The following ZNF98 variants were observed in gnomAD, a reference collection of about 807,000 sequenced individuals.
ZNF98 encodes zinc finger protein 739.
A neutral mutation model predicts 12.8 loss-of-function variants in ZNF98; 8 were observed. The ratio of observed to expected loss-of-function variants is 0.63; its 90% CI spans 0.37 to 1.13. ZNF98 has a LOEUF of 1.13. Ranked by LOEUF, ZNF98 falls within the 50% of genes most tolerant of loss-of-function variation. ZNF98 has a pLI of 0.01. For synonymous variants in ZNF98, 112 were observed against 223.5 expected, an observed-to-expected ratio of 0.50 and a Z score of 4.45; for missense variants, 379 against 666.1, an observed-to-expected ratio of 0.57 and a Z score of 4.74.
At chr19:22,417,286 A>G (rs1599391645) in intron 1 of ZNF98, among the ~76,000 whole-genome samples, 4 of 152,006 alleles carry the variant, frequency 2.6e-5, no homozygotes, top group Admixed American at 1.3e-4. Context: ...ATAAGAACAC[A>G]TAAAAACAAA....
intron 3 of ZNF98, among the ~76,000 whole-genome samples, chr19:22,394,132 T>A (rs1290485544): frequency 2.1e-5 from 3 of 143,850 alleles, no homozygotes; most frequent in African/African-American, 5.2e-5. Flanking sequence ...AAAACCACAA[T>A]GAGATACCAT....
intron 3 of ZNF98, among the ~76,000 whole-genome samples, chr19:22,395,321 A>T (rs1969379250): frequency 6.6e-6 from 1 of 151,964 alleles, no homozygotes; most frequent in South Asian, 2.1e-4. Flanking sequence ...TTTTCAGACT[A>T]TGTCAGAAAA....
chr19:22,402,192 A>G (rs1007019640), intron 3 of ZNF98, among the ~76,000 whole-genome samples: 6 of 150,534 alleles, frequency 4.0e-5, no homozygotes, highest in South Asian at 2.1e-4. Context: ...AAAAAAAAAA[A>G]AAAGAAAGAG....
At chr19:22,408,280 T>A (rs1969544254) in intron 1 of ZNF98, among the ~76,000 whole-genome samples, 2 of 152,204 alleles carry the variant, frequency 1.3e-5, no homozygotes, top group African/African-American at 4.8e-5. Flanking sequence ...AAACCAGGTG[T>A]TGATGGAACA....
chr19:22,406,599 T>C (rs920492609), intron 1 of ZNF98, among the ~76,000 whole-genome samples: 1 of 151,858 alleles, frequency 6.6e-6, no homozygotes, highest in African/African-American at 2.4e-5. Context: ...GGGCAGATCA[T>C]GAGGTCAAGA....
intron 1 of ZNF98, among the ~76,000 whole-genome samples, chr19:22,414,901 G>C (rs1258549331): frequency 6.6e-6 from 1 of 151,876 alleles, no homozygotes; most frequent in Non-Finnish European, 1.5e-5. Flanking sequence ...AAGCTAAAAA[G>C]CTTCTTCACA....
At chr19:22,400,935 AGAGT>A in intron 3 of ZNF98, among the ~76,000 whole-genome samples, 1 of 132,890 alleles carries the variant, frequency 7.5e-6, no homozygotes, top group African/African-American at 2.9e-5. Flanking sequence ...TCTCAGCGAC[AGAGT>A]GAGACACTGT....
intron 1 of ZNF98, among the ~76,000 whole-genome samples, chr19:22,411,445 G>A (rs1279884442): frequency 1.3e-5 from 2 of 152,152 alleles, no homozygotes; most frequent in African/African-American, 4.8e-5. Context: ...ATTCTGTATT[G>A]TTAAATTTAA....
chr19:22,401,728 A>G (rs10406199), intron 3 of ZNF98, among the ~76,000 whole-genome samples: 64,387 of 150,020 alleles, frequency 0.43, 13,995 homozygotes, highest in Non-Finnish European at 0.46. Flanking sequence ...CAGGTGATCC[A>G]CCTGCCTCAG....
rs1969327409 is a variant in ZNF98, at chr19:22,391,818, G to A, written c.1417C>T (p.Gln473Ter). 6.2e-7 allele frequency: 1 copy of A among 1,607,356 alleles called. No individual in the cohort carries two copies. Among genetic ancestry groups the A allele is most frequent in the South Asian group, 1.1e-5 (1 of 90,558 alleles). The change falls in exon 4 of 4, where the codon CAG becomes TAG. Residue 473 changes from glutamine to a stop codon, truncating the protein, a stop_gained. Coordinates refer to ENST00000357774, the MANE Select transcript of ZNF98 (RefSeq NM_001098626.2). LOFTEE classifies it low-confidence loss of function (END_TRUNC). The stretch of plus-strand genomic sequence containing the variant: ...TTATGTTTAGAAAGAGTTGAGGACT[G>A]GTTAAAAGCTTTGCCACATTCTTCA... ...KCEECGKAFN[Q>*]SSTLSKHKVI...
intron 1 of ZNF98, 33 bp downstream of exon 1, chr19:22,422,159 TCTC>T (rs1193085421): frequency 1.8e-5 from 29 of 1,612,300 alleles, no homozygotes; most frequent in Non-Finnish European, 2.3e-5. Flanking sequence ...ACCAGCCCCT[TCTC>T]CTCTCTAGGG....
At chr19:22,396,607 G>C (rs533181345) in intron 3 of ZNF98, among the ~76,000 whole-genome samples, 1 of 152,068 alleles carries the variant, frequency 6.6e-6, no homozygotes, top group African/African-American at 2.4e-5. Flanking sequence ...TAAAAACCAA[G>C]ATCCAACTTT....
intron 1 of ZNF98, among the ~76,000 whole-genome samples, chr19:22,420,265 GC>G (rs1969689760): frequency 6.6e-6 from 1 of 152,198 alleles, no homozygotes; most frequent in Admixed American, 6.5e-5. Flanking sequence ...TCACTTAAGT[GC>G]TCAGTGACCA....
chr19:22,419,278 T>G (rs1269974745), intron 1 of ZNF98, among the ~76,000 whole-genome samples: 1 of 152,216 alleles, frequency 6.6e-6, no homozygotes, highest in Non-Finnish European at 1.5e-5. Flanking sequence ...TAACTTCATC[T>G]TCACAAGAAT....
intron 3 of ZNF98, among the ~76,000 whole-genome samples, chr19:22,399,631 A>T (rs1488392066): frequency 6.6e-6 from 1 of 152,148 alleles, no homozygotes; most frequent in Non-Finnish European, 1.5e-5. Context: ...TAATTATCTA[A>T]TTCACCTCAG....
At chr19:22,407,852 G>A (rs936586946) in intron 1 of ZNF98, among the ~76,000 whole-genome samples, 14 of 151,796 alleles carry the variant, frequency 9.2e-5, no homozygotes, top group Non-Finnish European at 1.9e-4. Context: ...GGCAGATCAC[G>A]TGAGAACAGG....
intron 1 of ZNF98, among the ~76,000 whole-genome samples, chr19:22,404,017 G>A (rs1481110135): frequency 1.3e-5 from 2 of 152,196 alleles, no homozygotes; most frequent in East Asian, 1.9e-4. Flanking sequence ...TCAGGAGACC[G>A]AGACTATCCT....
At chr19:22,416,097 C>T (rs1482187375) in intron 1 of ZNF98, among the ~76,000 whole-genome samples, 1 of 150,228 alleles carries the variant, frequency 6.7e-6, no homozygotes. Context: ...TGAGCCAAAA[C>T]CGTGTCACTG....
intron 3 of ZNF98, among the ~76,000 whole-genome samples, chr19:22,394,688 G>A (rs1231736169): frequency 6.6e-6 from 1 of 151,144 alleles, no homozygotes; most frequent in African/African-American, 2.4e-5. Context: ...GCCTGTTGGG[G>A]TGTGAGGGGC....
Sources: gnomAD v4.1 joint callset for allele counts (sites outside exome capture counted in the v4.1 genomes callset) on GRCh38, gnomAD v4.1.1 for gene constraint, MANE v1.5 for transcripts, NCBI Gene and HGNC (gene_info 2026-07-23, HGNC 2026-07-21) for gene names.